Variants in USP42 observed in about 807,000 individuals in gnomAD.
The protein encoded by USP42 is ubiquitin specific peptidase 42.
A neutral mutation model predicts 113.0 loss-of-function variants in USP42; 23 were observed. The ratio of observed to expected loss-of-function variants is 0.20; its 90% CI spans 0.15 to 0.29. The LOEUF is 0.29. USP42 is among the 10% of genes least tolerant of loss of function. USP42 has a pLI of 1.00. For synonymous variants in USP42, 933 were observed against 699.0 expected (o/e 1.33, Z -5.28); for missense variants, 2,174 against 1,779.8 (o/e 1.22, Z -3.99).
chr7:6,155,226 G>T (rs953790345), intron 15 of USP42, 31 bp downstream of exon 15: 2 of 1,491,536 alleles, frequency 1.3e-6, no homozygotes, highest in African/African-American at 1.4e-5. Flanking sequence ...TCCCCGAGGC[G>T]CTGGCGCTGC....
intron 3 of USP42, among the ~76,000 whole-genome samples, chr7:6,129,791 G>T (rs1234503318): frequency 6.6e-6 from 1 of 150,600 alleles, no homozygotes; most frequent in Non-Finnish European, 1.5e-5. Context: ...AACCCAGGAG[G>T]CAGAGGTTTC....
chr7:6,108,544 G>C (rs111404412), intron 1 of USP42, among the ~76,000 whole-genome samples: 1 of 151,956 alleles, frequency 6.6e-6, no homozygotes, highest in African/African-American at 2.4e-5. Context: ...GCAGTGGCGC[G>C]ATCTCAGCTC....
rs1350902323 is a variant in USP42, at chr7:6,154,402, C to G, written c.2848C>G (p.Arg950Gly). ...EKIGSLRKVD[R>G]GHYRSRRERS... ...AATCGGCAGCCTCAGAAAGGTGGACCGAGGCCACTACCGCAGCCGGAGAGA... is the reference window on the plus strand; with the variant it reads ...AATCGGCAGCCTCAGAAAGGTGGACGGAGGCCACTACCGCAGCCGGAGAGA... Residue 950 changes from arginine to glycine, a missense_variant, in exon 15 of 18, where the codon CGA becomes GGA. Transcript: ENST00000306177. The G allele has an allele frequency of 1.3e-6, 2 of 1,576,948 alleles. No individual in the cohort carries two copies. The highest frequency in any genetic ancestry group is 1.4e-5 in the African/African-American group (1 of 74,044).
intron 4 of USP42, among the ~76,000 whole-genome samples, chr7:6,138,367 TTAGA>T (rs1448221098): frequency 6.6e-6 from 1 of 152,212 alleles, no homozygotes; most frequent in Non-Finnish European, 1.5e-5. Flanking sequence ...TGGGATAGAA[TTAGA>T]TAGGTTGGGA....
rs546578702 is a variant in USP42 at position 6,121,533 on chromosome 7, C to T, written c.442+6010C>T. On this transcript the variant is annotated intron_variant, in intron 3 of 17. Coordinates refer to ENST00000306177, the MANE Select transcript of USP42 (RefSeq NM_032172.3). ...GGCATGTGTTGGGATATGTTTTCTT[C>T]GCATCTGTTTCCTGGAAGAGTTTGT... 1.3e-4 allele frequency among the ~76,000 whole-genome samples: 19 copies of T among 151,770 alleles called. No individual in the cohort carries two copies. The South Asian group carries it at 2.3e-3, about 18-fold the overall frequency.
rs1425175350 is a variant in USP42, at chr7:6,139,001, C to T, written c.554-91C>T. ...AAGTAAGTATTTGGGAGTTTTCCAA[C>T]CAACATATTATTATAAGATATATTT... On this transcript the variant is annotated intron_variant, in intron 4 of 17. Coordinates refer to ENST00000306177, the MANE Select transcript of USP42 (RefSeq NM_032172.3). The surrounding 1 kb of genome is among the most constrained non-coding windows in gnomAD (Gnocchi z 4.5). 1.8e-5 allele frequency: 14 copies of T among 792,814 alleles called. No homozygotes were observed. Among genetic ancestry groups the T allele is most frequent in the African/African-American group, 7.1e-5 (4 of 56,134 alleles). 49.1% of individuals were successfully genotyped at this position (792,814 alleles called of 1,614,324 possible).
intron 8 of USP42, among the ~76,000 whole-genome samples, chr7:6,143,223 G>A (rs1449083616): frequency 1.3e-5 from 2 of 152,202 alleles, no homozygotes; most frequent in Admixed American, 1.3e-4. Context: ...GCCTGTGAAA[G>A]CCTGGGGCAT....
chr7:6,111,479 C>T lies in USP42; in HGVS notation c.241+105C>T. On this transcript the variant is annotated intron_variant, in intron 2 of 17. Coordinates refer to ENST00000306177, the MANE Select transcript of USP42 (RefSeq NM_032172.3). ...GCTTATTTTGCAAGGCGTGAGGCCA[C>T]CTGAGTGGCCAGCAGAGTTGTATTA... The T allele has an allele frequency of 2.9e-6, 4 of 1,371,376 alleles. No homozygotes were observed. In the South Asian group the frequency reaches 5.8e-5, roughly 20 times the overall value. 85.0% of individuals were successfully genotyped at this position (1,371,376 alleles called of 1,614,324 possible). A position where few individuals can be genotyped will look rare whatever the true frequency, so the allele number is the denominator to read the frequency against.
At chr7:6,101,888 GACC>G (rs1410464970), upstream of USP42, among the ~76,000 whole-genome samples, 6 of 146,396 alleles carry the variant, frequency 4.1e-5, no homozygotes, top group African/African-American at 1.6e-4. Flanking sequence ...AGTCCAGCCT[GACC>G]AACATGGTGA....
chr7:6,090,048 C>G, the USP42 span, among the ~76,000 whole-genome samples: 2 of 147,472 alleles, frequency 1.4e-5, no homozygotes. Flanking sequence ...GCCTGTAATC[C>G]CAGCACTTTG....
chr7:6,113,323 C>T (rs1779702670), intron 2 of USP42, among the ~76,000 whole-genome samples: 1 of 152,028 alleles, frequency 6.6e-6, no homozygotes, highest in African/African-American at 2.4e-5. Context: ...GGTGGAAAGT[C>T]CTTTGGCTTC....
chr7:6,093,946 A>G, the USP42 span, among the ~76,000 whole-genome samples: 1 of 143,846 alleles, frequency 7.0e-6, no homozygotes, highest in East Asian at 2.1e-4. Flanking sequence ...GCTGGAGTGC[A>G]TGGCGCGATG....
In USP42 at chr7:6,155,891, C is replaced by T. The variant is rs139511740; in HGVS notation, c.3641+696C>T. On this transcript the variant is annotated intron_variant, in intron 15 of 17. Transcript: ENST00000306177. ...TTCAGCCCTCAGCCTCTGGAGTAGC[C>T]GGGACTGCAGGCGTGTGCTACCATC... Among the ~76,000 whole-genome samples, 108 of 152,144 alleles carry T rather than the reference C, an allele frequency of 7.1e-4. 1 individual carries two copies. The highest frequency in any genetic ancestry group is 6.8e-3 in the Middle Eastern group (2 of 294).
At chr7:6,117,981 T>C (rs1433470162) in intron 3 of USP42, among the ~76,000 whole-genome samples, 6 of 152,224 alleles carry the variant, frequency 3.9e-5, no homozygotes, top group African/African-American at 1.2e-4. Context: ...TATAAGTCTT[T>C]TATTATGTAG....
At chr7:6,084,120 G>C in the USP42 span, among the ~76,000 whole-genome samples, 3 of 151,132 alleles carry the variant, frequency 2.0e-5, 1 homozygote, top group African/African-American at 7.4e-5. Flanking sequence ...TCCGCCTCTC[G>C]GGTTCAAGTG....
Position 6,145,715 on chromosome 7 carries a change from G to A in USP42, c.1131+59G>A, listed in dbSNP as rs1447162690. ...ACATACATGCTATAAGACAGCAGTA[G>A]CATTCTTGGGGTAGGGAGAGGTGGA... On this transcript the variant is annotated intron_variant, in intron 10 of 17. Coordinates refer to ENST00000306177, the MANE Select transcript of USP42 (RefSeq NM_032172.3). The A allele has an allele frequency of 5.2e-6, 8 of 1,546,344 alleles. No individual in the cohort carries two copies. The East Asian group carries it at 1.4e-4, about 27-fold the overall frequency.
rs755948932 is a variant in USP42, at chr7:6,154,139, G to A, written c.2585G>A (p.Arg862Gln). ...GGGTTGAGTCCGGCTCCGCCTGCGC[G>A]GTCGGAGGAGCCCTGCGAGCAGCCA... ...PEGLSPAPPA[R>Q]SEEPCEQPLL... is the part of the protein sequence containing the mutation. Residue 862 changes from arginine to glutamine, a missense_variant, in exon 15 of 18, where the codon CGG (arginine) becomes CAG (glutamine). Coordinates refer to ENST00000306177, the MANE Select transcript of USP42 (RefSeq NM_032172.3). 4 of 1,596,440 alleles carry A rather than the reference G, an allele frequency of 2.5e-6. No individual in the cohort carries two copies. The highest frequency in any genetic ancestry group is 1.7e-5 in the Admixed American group (1 of 59,536).
chr7:6,150,071 G>GA lies in USP42; in HGVS notation c.1877dup (p.Asn626LysfsTer19). 1 of 1,609,524 alleles carries GA rather than the reference G, an allele frequency of 6.2e-7. No individual in the cohort carries two copies. Among genetic ancestry groups the GA allele is most frequent in the South Asian group, 1.1e-5 (1 of 90,464 alleles). ...AGGAGTCAAAGGGGCTGGGCAAGGA[G>GA]AATGGGATTGGTACGATTGTGAGCT... On this transcript the variant is annotated frameshift_variant, in exon 13 of 18. Coordinates refer to ENST00000306177, the MANE Select transcript of USP42 (RefSeq NM_032172.3). LOFTEE classifies it high-confidence loss of function.
intron 3 of USP42, among the ~76,000 whole-genome samples, chr7:6,131,667 T>G (rs1780859456): frequency 6.6e-6 from 1 of 152,176 alleles, no homozygotes. Flanking sequence ...TCCAGGTTGC[T>G]GACTTTAGCT....
Sources: allele counts gnomAD v4.1 joint callset (sites outside exome capture counted in the v4.1 genomes callset), GRCh38; gene constraint gnomAD v4.1.1; non-coding constraint Gnocchi (gnomAD v3.1); transcripts MANE v1.5; gene names NCBI Gene and HGNC (gene_info 2026-07-23, HGNC 2026-07-21).